NRP2: variants seen among roughly 807,000 people sequenced by gnomAD.
NRP2 encodes neuropilin 2.
In NRP2, 52 loss-of-function variants were observed where a neutral mutation model predicts 110.4. The observed-to-expected ratio is 0.47, with a 90% CI of 0.38 to 0.59. The LOEUF (loss-of-function observed/expected upper bound fraction) is 0.59, where lower values mean the gene tolerates loss of function less well. Ranked by LOEUF, NRP2 falls within the 20% of genes least tolerant of loss-of-function variation. The probability of loss-of-function intolerance (pLI) is 0.00; values close to 1 mark genes in which losing one functional copy is unlikely to be tolerated. For missense variants in NRP2, 1,049 were observed against 1,203.0 expected (o/e 0.87, Z 1.89); for synonymous variants, 508 against 468.9 (o/e 1.08, Z -1.08).
At chr2:205,779,032 A>G (rs2058142223) in intron 15 of NRP2, 2 of 152,340 alleles carry the variant, frequency 1.3e-5, no homozygotes, top group East Asian at 3.9e-4. Flanking sequence ...TCATGGAGGG[A>G]GGGAAGGGTC....
At chr2:205,727,800 C>T (rs141373382) in intron 6 of NRP2, 91 bp from the exon 7 acceptor site, 10 of 1,332,270 alleles carry the variant, frequency 7.5e-6, no homozygotes, top group Admixed American at 2.3e-5. Flanking sequence ...AGGTTGGAAG[C>T]AAAGTCTAAT....
chr2:205,743,073 C>T (rs1468070980), intron 8 of NRP2, 130 bp from the exon 9 acceptor site: 2 of 1,557,998 alleles, frequency 1.3e-6, no homozygotes, highest in Non-Finnish European at 1.7e-6. Context: ...ACACATTCAC[C>T]ATGCAAAGAA....
intron 3 of NRP2, among the ~76,000 whole-genome samples, chr2:205,720,104 A>G (rs1467238845): frequency 6.6e-6 from 1 of 152,176 alleles, no homozygotes; most frequent in East Asian, 1.9e-4. Flanking sequence ...GCAAACAGTG[A>G]GATGGTACGA....
intron 11 of NRP2, among the ~76,000 whole-genome samples, chr2:205,751,331 T>C (rs1386155602): frequency 6.6e-6 from 1 of 152,244 alleles, no homozygotes; most frequent in Non-Finnish European, 1.5e-5. Flanking sequence ...TTCCTCCCTT[T>C]TCTTTTTGCA....
intron 7 of NRP2, among the ~76,000 whole-genome samples, chr2:205,733,463 C>T (rs1290244692): frequency 6.6e-6 from 1 of 152,132 alleles, no homozygotes; most frequent in Non-Finnish European, 1.5e-5. Context: ...GAGTGAAGCC[C>T]TCACCTGGTA....
intron 12 of NRP2, among the ~76,000 whole-genome samples, chr2:205,758,005 GA>G (rs2057760894): frequency 6.6e-6 from 1 of 151,890 alleles, no homozygotes; most frequent in Admixed American, 6.6e-5. Context: ...AAACCTTCAT[GA>G]AAGCCGGCAG....
At chr2:205,692,673 G>A (rs560655245) in intron 1 of NRP2, among the ~76,000 whole-genome samples, 3 of 152,298 alleles carry the variant, frequency 2.0e-5, no homozygotes, top group South Asian at 2.1e-4. Flanking sequence ...TGAACTCTCC[G>A]TAATGCAAGA....
At chr2:205,738,329 C>T (rs566639701) in intron 7 of NRP2, among the ~76,000 whole-genome samples, 104 of 152,300 alleles carry the variant, frequency 6.8e-4, no homozygotes, top group Non-Finnish European at 1.4e-3. Context: ...CCTGCTGCTG[C>T]TCACAACACC....
At position 205,683,256 on chromosome 2, in the gene NRP2, C is replaced by T; in HGVS notation, c.-35C>T. On this transcript the variant is annotated 5_prime_UTR_variant, in exon 1 of 17. In the 5' UTR this introduces an upstream ATG that the reference lacks. Coordinates refer to ENST00000357785, the MANE Select transcript of NRP2 (RefSeq NM_003872.3). ...CACAAAGATTTAAACAAGAAACCTA[C>T]GAACCCAGCTCTGGAAAGAGCCACC... 15 of 1,486,024 alleles carry T rather than the reference C, an allele frequency of 1.0e-5. No individual in the cohort carries two copies. Among genetic ancestry groups the T allele is most frequent in the Non-Finnish European group, 1.2e-5 (13 of 1,064,428 alleles). The allele number at this position is 1,486,024 out of a possible 1,614,324, so 92.1% of individuals were successfully genotyped here. A position where few individuals can be genotyped will look rare whatever the true frequency, so the allele number is the denominator to read the frequency against.
chr2:205,729,960 G>A (rs1211755166), intron 7 of NRP2, among the ~76,000 whole-genome samples: 1 of 152,040 alleles, frequency 6.6e-6, no homozygotes, highest in African/African-American at 2.4e-5. Context: ...TTTTGTTTTT[G>A]TTTTTGTTTT....
chr2:205,721,789 G>C (rs1412103220), intron 3 of NRP2, among the ~76,000 whole-genome samples: 1 of 152,204 alleles, frequency 6.6e-6, no homozygotes, highest in Non-Finnish European at 1.5e-5. Context: ...ACTTGTTGCC[G>C]GAGCGGCCTT....
chr2:205,754,669 C>T (rs181068274), intron 12 of NRP2, among the ~76,000 whole-genome samples: 75 of 152,302 alleles, frequency 4.9e-4, no homozygotes, highest in Admixed American at 4.9e-3. Flanking sequence ...TTTGAGACTG[C>T]ATCCAATTAA....
At position 205,707,333 on chromosome 2, in the gene NRP2, G is replaced by A. The variant is rs148449208; in HGVS notation, c.252-8860G>A. Among the ~76,000 whole-genome samples the A allele has an allele frequency of 1.2e-4, 19 of 152,330 alleles. No individual in the cohort carries two copies. In the East Asian group the frequency reaches 2.1e-3, roughly 17 times the overall value. ...CCTGAGTGCTAGATTCAGAATCTCC[G>A]CCCTGGCGTGGCAGCAGCCCTTTCC... On this transcript the variant is annotated intron_variant, in intron 2 of 16. Coordinates refer to ENST00000357785, the MANE Select transcript of NRP2 (RefSeq NM_003872.3).
At position 205,682,969 on chromosome 2, in the gene NRP2, C is replaced by G; in HGVS notation, c.-322C>G. The G allele has an allele frequency of 3.3e-6, 1 of 301,792 alleles. No individual in the cohort carries two copies. Among genetic ancestry groups the G allele is most frequent in the Non-Finnish European group, 6.2e-6 (1 of 160,188 alleles). 18.7% of individuals were successfully genotyped at this position (301,792 alleles called of 1,614,324 possible). On this transcript the variant is annotated 5_prime_UTR_variant, in exon 1 of 17. Coordinates refer to ENST00000357785, the MANE Select transcript of NRP2 (RefSeq NM_003872.3). This position sits in a 1 kb window ranked among gnomAD's most constrained non-coding sequence, Gnocchi z 4.3. ...TTACGCTTGGCTTTCGGGAAATACT[C>G]GTGATATTTGTAGGATAAAGGAAAT...
intron 15 of NRP2, among the ~76,000 whole-genome samples, chr2:205,768,850 A>G (rs944178785): frequency 6.6e-6 from 1 of 152,202 alleles, no homozygotes; most frequent in African/African-American, 2.4e-5. Context: ...GACTTGGCCA[A>G]TGGACACAGT....
In NRP2 at chr2:205,747,454, G is replaced by C. The variant is rs73066110; in HGVS notation, c.1786+1564G>C. Among the ~76,000 whole-genome samples, 1,037 of 152,308 alleles carry C rather than the reference G, an allele frequency of 6.8e-3. 13 individuals are homozygous for C. Among genetic ancestry groups the C allele is most frequent in the African/African-American group, 0.024 (1,012 of 41,550 alleles). On this transcript the variant is annotated intron_variant, in intron 10 of 16. Transcript: ENST00000357785. ...ATGTGAAATACTTAGACTACTGCCT[G>C]CACCCAGCAAACCTGTTATGATAAA...
In NRP2 at chr2:205,715,282, C is replaced by T. The variant is rs952867752; in HGVS notation, c.252-911C>T. 9.9e-5 allele frequency among the ~76,000 whole-genome samples: 15 copies of T among 152,118 alleles called. 1 individual carries two copies. The highest frequency in any genetic ancestry group is 3.6e-4 in the African/African-American group (15 of 41,410). ...AATGGTGCATTATGTTTGCACCTTC[C>T]CATGAACGGAGCCAAGGGTATCTTT... On this transcript the variant is annotated intron_variant, in intron 2 of 16. Transcript: ENST00000357785.
chr2:205,726,672 C>T (rs1026732450), intron 6 of NRP2, among the ~76,000 whole-genome samples: 3 of 152,130 alleles, frequency 2.0e-5, no homozygotes, highest in African/African-American at 4.8e-5. Flanking sequence ...GTAATCTTCC[C>T]GCACTGCACA....
At chr2:205,692,459 G>T (rs2056333106) in intron 1 of NRP2, among the ~76,000 whole-genome samples, 1 of 152,160 alleles carries the variant, frequency 6.6e-6, no homozygotes, top group African/African-American at 2.4e-5. Flanking sequence ...AGCAAAATTT[G>T]GTTAAAACCC....
Sources: gnomAD v4.1 joint callset for allele counts (sites outside exome capture counted in the v4.1 genomes callset) on GRCh38, gnomAD v4.1.1 for gene constraint, Gnocchi (gnomAD v3.1) non-coding constraint, MANE v1.5 for transcripts, NCBI Gene and HGNC (gene_info 2026-07-23, HGNC 2026-07-21) for gene names.